GAS2: variants seen among roughly 807,000 people sequenced by gnomAD.
GAS2 encodes the protein growth arrest-specific protein 2.
GAS2 carries 20 observed loss-of-function variants against 37.5 expected under a neutral mutation model. The observed-to-expected ratio is 0.53, with a 90% CI of 0.37 to 0.77. The LOEUF (loss-of-function observed/expected upper bound fraction) is 0.77, where lower values mean the gene tolerates loss of function less well. Among genes scored for constraint, GAS2 ranks in the 30% least tolerant of loss-of-function variants. The pLI is 0.00. For synonymous variants in GAS2, 144 were observed against 132.2 expected (o/e 1.09, Z -0.61); for missense variants, 336 against 373.4 (o/e 0.90, Z 0.82).
At chr11:22,672,958 C>T (rs954608331) in intron 1 of GAS2, among the ~76,000 whole-genome samples, 1 of 148,272 alleles carries the variant, frequency 6.7e-6, no homozygotes, top group Non-Finnish European at 1.5e-5. Context: ...CCCATAATGA[C>T]AATCTAATAA....
At chr11:22,761,965 A>G (rs1246907970) in intron 7 of GAS2, among the ~76,000 whole-genome samples, 1 of 152,104 alleles carries the variant, frequency 6.6e-6, no homozygotes, top group Non-Finnish European at 1.5e-5. Flanking sequence ...AGGGAAATAT[A>G]TTGTTCAGCA....
In GAS2 at chr11:22,800,298, A is replaced by G. The variant is rs78954232; in HGVS notation, c.724-11500A>G. On this transcript the variant is annotated intron_variant, in intron 7 of 7. Transcript: ENST00000454584. ...CACATTATGTATGCTTCTGACCACC[A>G]TGGGGATGCTGATGTCCTCCCCTTA... is the stretch of plus-strand genomic sequence containing the variant. 5.4e-3 allele frequency among the ~76,000 whole-genome samples: 819 copies of G among 152,212 alleles called. 13 individuals carry two copies. Among genetic ancestry groups the G allele is most frequent in the East Asian group, 0.039 (201 of 5,176 alleles).
intron 3 of GAS2, among the ~76,000 whole-genome samples, chr11:22,724,870 G>C (rs1157775372): frequency 6.6e-6 from 1 of 151,962 alleles, no homozygotes; most frequent in African/African-American, 2.4e-5. Flanking sequence ...AAGAACTCTA[G>C]TAAGAGTTGC....
In GAS2 at chr11:22,673,080, G is replaced by A. The variant is rs185162283; in HGVS notation, c.-20-1770G>A. ...ATGGTATTTTTTTCAAAAATTACTC[G>A]ACAGTAATTTAATTAGAAATGAAAT... On this transcript the variant is annotated intron_variant, in intron 1 of 7. Coordinates refer to ENST00000454584, the MANE Select transcript of GAS2 (RefSeq NM_001143830.3). Among the ~76,000 whole-genome samples, 503 of 151,986 alleles carry A rather than the reference G, an allele frequency of 3.3e-3. 2 individuals are homozygous for A. The highest frequency in any genetic ancestry group is 0.011 in the African/African-American group (455 of 41,464).
At chr11:22,797,676 G>A (rs943941428) in intron 7 of GAS2, among the ~76,000 whole-genome samples, 2 of 152,040 alleles carry the variant, frequency 1.3e-5, no homozygotes, top group African/African-American at 4.8e-5. Context: ...CCACTGGGTA[G>A]TTATGATAAC....
intron 2 of GAS2, among the ~76,000 whole-genome samples, chr11:22,677,088 G>A (rs1204913986): frequency 2.0e-5 from 3 of 151,974 alleles, no homozygotes; most frequent in African/African-American, 7.3e-5. Context: ...GCTTAGATTA[G>A]CAAAAAAACA....
At chr11:22,809,761 T>A (rs1049973647) in intron 7 of GAS2, among the ~76,000 whole-genome samples, 1 of 151,920 alleles carries the variant, frequency 6.6e-6, no homozygotes, top group African/African-American at 2.4e-5. Flanking sequence ...CCCAAAGTGT[T>A]GAGATTACAG....
At chr11:22,739,157 G>A (rs530596944) in intron 5 of GAS2, among the ~76,000 whole-genome samples, 1 of 152,244 alleles carries the variant, frequency 6.6e-6, no homozygotes, top group Admixed American at 6.5e-5. Flanking sequence ...GCAGGATAAA[G>A]ATATACCTCT....
At chr11:22,788,569 AC>A (rs373900803) in intron 7 of GAS2, among the ~76,000 whole-genome samples, 28 of 152,292 alleles carry the variant, frequency 1.8e-4, no homozygotes, top group African/African-American at 6.3e-4. Flanking sequence ...TAGAAAAAGC[AC>A]ACTATAGTAA....
At chr11:22,773,171 T>A (rs1301180248) in intron 7 of GAS2, among the ~76,000 whole-genome samples, 2 of 152,138 alleles carry the variant, frequency 1.3e-5, no homozygotes, top group African/African-American at 2.4e-5. Context: ...CTTCTGTCTG[T>A]GGTCGCGGTT....
chr11:22,783,849 G>T (rs370893236), intron 7 of GAS2, among the ~76,000 whole-genome samples: 1 of 152,008 alleles, frequency 6.6e-6, no homozygotes, highest in Non-Finnish European at 1.5e-5. Context: ...GTCCAGTTTC[G>T]TTCTTCTGTG....
intron 3 of GAS2, among the ~76,000 whole-genome samples, chr11:22,720,278 C>G (rs337441): frequency 0.89 from 135,898 of 151,934 alleles, 62,551 homozygotes; most frequent in East Asian, 1. Context: ...AGGGAGAAAG[C>G]AGAAAGGGTC....
intron 6 of GAS2, among the ~76,000 whole-genome samples, chr11:22,750,663 A>G (rs1187518704): frequency 1.3e-5 from 2 of 152,046 alleles, no homozygotes; most frequent in Non-Finnish European, 2.9e-5. Flanking sequence ...GTAACATTAT[A>G]TTATTAGTAG....
At chr11:22,653,825 A>G (rs1342415418) in intron 1 of GAS2, among the ~76,000 whole-genome samples, 2 of 152,214 alleles carry the variant, frequency 1.3e-5, no homozygotes, top group Non-Finnish European at 2.9e-5. Context: ...AGAGCATAAT[A>G]AAAGACATGT....
intron 7 of GAS2, among the ~76,000 whole-genome samples, chr11:22,772,440 G>A (rs947474034): frequency 6.6e-6 from 1 of 151,910 alleles, no homozygotes; most frequent in Non-Finnish European, 1.5e-5. Flanking sequence ...TTTGTTTTTT[G>A]TTTTACTTTT....
intron 7 of GAS2, among the ~76,000 whole-genome samples, chr11:22,800,384 A>G (rs1469985964): frequency 1.3e-5 from 2 of 152,044 alleles, no homozygotes; most frequent in Non-Finnish European, 2.9e-5. Flanking sequence ...CATATTTCTC[A>G]GGTGAGCTGT....
At chr11:22,715,499 GAAACA>G (rs1851631324) in intron 3 of GAS2, among the ~76,000 whole-genome samples, 2 of 121,936 alleles carry the variant, frequency 1.6e-5, no homozygotes, top group Admixed American at 1.6e-4. Context: ...GAAAAGAAAA[GAAACA>G]AAACAAGAGA....
intron 5 of GAS2, among the ~76,000 whole-genome samples, chr11:22,742,026 CA>C (rs1470370945): frequency 1.3e-5 from 2 of 151,906 alleles, no homozygotes; most frequent in Non-Finnish European, 2.9e-5. Context: ...ACCTAGAGCT[CA>C]AAAACTGTGT....
chr11:22,693,124 G>A (rs548717244), intron 3 of GAS2, among the ~76,000 whole-genome samples: 1 of 152,246 alleles, frequency 6.6e-6, no homozygotes, highest in South Asian at 2.1e-4. Flanking sequence ...TAAAATAGAA[G>A]AGGAGCTTGA....
Sources: allele counts gnomAD v4.1 joint callset (sites outside exome capture counted in the v4.1 genomes callset), GRCh38; gene constraint gnomAD v4.1.1; transcripts MANE v1.5; gene names NCBI Gene and HGNC (gene_info 2026-07-23, HGNC 2026-07-21).